TBC1D19: variants seen among roughly 807,000 people sequenced by gnomAD.
TBC1D19 encodes TBC1 domain family member 19.
A neutral mutation model predicts 89.0 loss-of-function variants in TBC1D19; 60 were observed. That is an observed-to-expected ratio of 0.67 (90% CI 0.55 to 0.84). TBC1D19 has a LOEUF of 0.84. Ranked by LOEUF, TBC1D19 falls within the 40% of genes least tolerant of loss-of-function variation. The pLI, the probability that TBC1D19 is intolerant of heterozygous loss-of-function variation, is 0.00. For missense variants in TBC1D19, 500 were observed against 610.8 expected, an observed-to-expected ratio of 0.82 and a Z score of 1.91; for synonymous variants, 189 against 199.7, an observed-to-expected ratio of 0.95 and a Z score of 0.45.
rs554254497 is a variant in TBC1D19 at position 26,595,911 on chromosome 4, A to T, written c.99+11619A>T. ...GAATTCTCCAACTTTGTTGTACTTC[A>T]GTATTGTGTTAGCAAGATTTTTAAT... On this transcript the variant is annotated intron_variant, in intron 1 of 20. Coordinates refer to ENST00000264866, the MANE Select transcript of TBC1D19 (RefSeq NM_018317.4). Among the ~76,000 whole-genome samples, 5 of 152,254 alleles carry T rather than the reference A, an allele frequency of 3.3e-5. No homozygotes were observed. In the South Asian group the frequency reaches 1.0e-3, roughly 32 times the overall value.
At chr4:26,756,494 TTGG>T (rs1182371870), downstream of TBC1D19, among the ~76,000 whole-genome samples, 1 of 152,156 alleles carries the variant, frequency 6.6e-6, no homozygotes, top group East Asian at 1.9e-4. Context: ...TGGGGGAATT[TTGG>T]TCCTCCTGTA....
chr4:26,693,473 C>T (rs1243301964), intron 13 of TBC1D19, among the ~76,000 whole-genome samples: 1 of 152,072 alleles, frequency 6.6e-6, no homozygotes, highest in Non-Finnish European at 1.5e-5. Flanking sequence ...GCAGGACAAT[C>T]GCTTGAGCCC....
intron 4 of TBC1D19, among the ~76,000 whole-genome samples, chr4:26,634,313 A>G (rs920442437): frequency 6.6e-6 from 1 of 152,030 alleles, no homozygotes; most frequent in Non-Finnish European, 1.5e-5. Flanking sequence ...GGCTTTTTGT[A>G]TGGGTCCCAT....
intron 4 of TBC1D19, 87 bp downstream of exon 4, chr4:26,620,775 T>C: frequency 8.7e-7 from 1 of 1,151,952 alleles, no homozygotes. Context: ...CAGGAGTATG[T>C]ATTATTAATT....
chr4:26,637,449 T>C lies in TBC1D19; in HGVS notation c.369+164T>C, dbSNP rs569845389. Among the ~76,000 whole-genome samples the C allele has an allele frequency of 3.9e-5, 6 of 152,270 alleles. No homozygotes were observed. The East Asian group carries it at 1.2e-3, about 29-fold the overall frequency. On this transcript the variant is annotated intron_variant, in intron 5 of 20. Transcript: ENST00000264866. ...GTGCAGTGGCGCGATCTTGGCTCAC[T>C]GCAACCTCCGCCTCCTGGGTTCAAG...
At chr4:26,698,208 T>C (rs893674394) in intron 13 of TBC1D19, among the ~76,000 whole-genome samples, 2 of 152,204 alleles carry the variant, frequency 1.3e-5, no homozygotes, top group Non-Finnish European at 2.9e-5. Context: ...AGCATTCTTA[T>C]TCATCAATAG....
the TBC1D19 span, among the ~76,000 whole-genome samples, chr4:26,768,348 C>T: frequency 6.6e-6 from 1 of 152,132 alleles, no homozygotes; most frequent in Non-Finnish European, 1.5e-5. Flanking sequence ...AAATGACTGC[C>T]AAGTTACTTA....
intron 3 of TBC1D19, among the ~76,000 whole-genome samples, chr4:26,615,110 C>CT: frequency 6.6e-6 from 1 of 152,206 alleles, no homozygotes; most frequent in East Asian, 1.9e-4. Flanking sequence ...GGGTATTACA[C>CT]TTTTTTATGT....
At chr4:26,666,453 C>T (rs1167968074) in intron 9 of TBC1D19, 48 bp downstream of exon 9, 4 of 1,500,070 alleles carry the variant, frequency 2.7e-6, no homozygotes, top group Non-Finnish European at 3.7e-6. Context: ...TGAGAGTGAG[C>T]CTAAGGTTTA....
At chr4:26,807,990 A>G in the TBC1D19 span, among the ~76,000 whole-genome samples, 7 of 152,370 alleles carry the variant, frequency 4.6e-5, no homozygotes, top group East Asian at 1.4e-3. Flanking sequence ...TGAAAAAGTG[A>G]TAAGTCACAA....
At position 26,676,047 on chromosome 4, in the gene TBC1D19, C is replaced by A. The variant is rs369856587; in HGVS notation, c.816+2159C>A. Among the ~76,000 whole-genome samples the A allele has an allele frequency of 2.6e-5, 4 of 152,124 alleles. No individual in the cohort carries two copies. In the South Asian group the frequency reaches 8.3e-4, roughly 32 times the overall value. On this transcript the variant is annotated intron_variant, in intron 11 of 20. Coordinates refer to ENST00000264866, the MANE Select transcript of TBC1D19 (RefSeq NM_018317.4). The stretch of plus-strand genomic sequence containing the variant: ...TTAAAAATTTTTAAATTTCAGTTTG[C>A]TAAATTAAAGACAGAAAATGTTCTT...
intron 3 of TBC1D19, among the ~76,000 whole-genome samples, chr4:26,620,049 TTCTA>T (rs1741940830): frequency 6.6e-6 from 1 of 152,238 alleles, no homozygotes; most frequent in African/African-American, 2.4e-5. Flanking sequence ...CTACTGCCTT[TTCTA>T]TCTGTGATTT....
chr4:26,735,050 A>G (rs966216878), intron 15 of TBC1D19, among the ~76,000 whole-genome samples: 3 of 149,536 alleles, frequency 2.0e-5, no homozygotes, highest in African/African-American at 5.0e-5. Flanking sequence ...GTGTACACAC[A>G]TGTATATATG....
At chr4:26,714,261 TTTC>T (rs1279013837) in intron 13 of TBC1D19, among the ~76,000 whole-genome samples, 1 of 150,304 alleles carries the variant, frequency 6.7e-6, no homozygotes, top group Non-Finnish European at 1.5e-5. Context: ...TTGTTTGTTT[TTTC>T]TTTTTTTTTA....
chr4:26,742,777 A>G (rs1265371235), intron 18 of TBC1D19, among the ~76,000 whole-genome samples, 178 bp downstream of exon 18: 4 of 152,182 alleles, frequency 2.6e-5, no homozygotes, highest in African/African-American at 9.6e-5. Flanking sequence ...AAATTCTTGA[A>G]AGAATTACCA....
chr4:26,750,541 C>T (rs1718893289), intron 19 of TBC1D19, among the ~76,000 whole-genome samples: 1 of 152,148 alleles, frequency 6.6e-6, no homozygotes, highest in African/African-American at 2.4e-5. Context: ...CATCCCTTAG[C>T]AAACTGAAGG....
the TBC1D19 span, among the ~76,000 whole-genome samples, chr4:26,810,003 G>A: frequency 1.3e-5 from 2 of 152,202 alleles, no homozygotes; most frequent in Admixed American, 6.5e-5. Context: ...GACACCCAGC[G>A]CTCTCTGCCT....
At chr4:26,851,225 G>A in the TBC1D19 span, among the ~76,000 whole-genome samples, 1 of 152,114 alleles carries the variant, frequency 6.6e-6, no homozygotes, top group East Asian at 1.9e-4. Context: ...CAGCTTTCCT[G>A]GGTCTTCAGG....
chr4:26,834,345 G>A, the TBC1D19 span, among the ~76,000 whole-genome samples: 11 of 152,180 alleles, frequency 7.2e-5, no homozygotes, highest in African/African-American at 2.7e-4. Flanking sequence ...GTCATAGCTG[G>A]TTAGGCCACA....
Sources: allele counts gnomAD v4.1 joint callset (sites outside exome capture counted in the v4.1 genomes callset), GRCh38; gene constraint gnomAD v4.1.1; transcripts MANE v1.5; gene names NCBI Gene and HGNC (gene_info 2026-07-23, HGNC 2026-07-21).